The following ZNF621 variants were observed in gnomAD, a reference collection of about 807,000 sequenced individuals.
ZNF621 encodes zinc finger protein 621.
Under a neutral mutation model 12.7 loss-of-function variants are expected in ZNF621, and 6 were observed. The ratio of observed to expected loss-of-function variants is 0.47; its 90% CI spans 0.26 to 0.93. ZNF621 has a LOEUF of 0.93. Among genes scored for constraint, ZNF621 ranks in the 40% least tolerant of loss-of-function variants. The pLI, the probability that ZNF621 is intolerant of heterozygous loss-of-function variation, is 0.15. For missense variants in ZNF621, 474 were observed against 524.0 expected, an observed-to-expected ratio of 0.90 and a Z score of 0.93; for synonymous variants, 156 against 190.3, an observed-to-expected ratio of 0.82 and a Z score of 1.48.
At position 40,532,767 on chromosome 3, in the gene ZNF621, A is replaced by G; in HGVS notation, c.997A>G (p.Ser333Gly). ...TGGGAAAGCCTTCAAATGGTATGGA[A>G]GTTTTGTTCAGCATCAGAAATTGCA... ...VCGKAFKWYG[S>G]FVQHQKLHPV... Residue 333 changes from serine to glycine, a missense_variant, in exon 5 of 5, where the codon AGT becomes GGT. Transcript: ENST00000339296. The G allele has an allele frequency of 6.2e-7, 1 of 1,614,166 alleles. No individual in the cohort carries two copies. The highest frequency in any genetic ancestry group is 8.5e-7 in the Non-Finnish European group (1 of 1,180,022).
At chr3:40,530,438 ACT>A in intron 4 of ZNF621, 122 bp downstream of exon 4, 4 of 764,212 alleles carry the variant, frequency 5.2e-6, no homozygotes, top group South Asian at 1.9e-5. Flanking sequence ...TACTCACTGT[ACT>A]CTCTGACCTC....
In ZNF621 at chr3:40,529,179, TG is replaced by T. The variant is rs1232155226; in HGVS notation, c.25-137del. The T allele has an allele frequency of 1.1e-5, 11 of 963,910 alleles. No individual in the cohort carries two copies. In the Admixed American group the frequency reaches 1.4e-4, roughly 12 times the overall value. The allele number at this position is 963,910 out of a possible 1,614,324, so 59.7% of individuals were successfully genotyped here. A position where few individuals can be genotyped will look rare whatever the true frequency, so the allele number is the denominator to read the frequency against. On this transcript the variant is annotated intron_variant, in intron 2 of 4. Coordinates refer to ENST00000339296, the MANE Select transcript of ZNF621 (RefSeq NM_198484.5). ...GAGGGCTCGCCCCTGGCTGTGGTGG[TG>T]GGTGTTCTTGTTGAGCAGACCTTAC...
Position 40,532,641 on chromosome 3 carries a change from T to A in ZNF621, c.871T>A (p.Tyr291Asn). 2 of 1,614,174 alleles carry A rather than the reference T, an allele frequency of 1.2e-6. No homozygotes were observed. The highest frequency in any genetic ancestry group is 1.7e-6 in the Non-Finnish European group (2 of 1,180,028). The part of the protein sequence containing the change: ...HQRIHTGEKP[Y>N]QCKECGKAFT... ...GAGAATTCATACTGGGGAGAAACCT[T>A]ATCAATGTAAGGAGTGTGGCAAAGC... is the stretch of plus-strand genomic sequence containing the variant. The change falls in exon 5 of 5, where the codon TAT (tyrosine) becomes AAT (asparagine). Residue 291 changes from tyrosine (Y) to asparagine (N), a missense_variant. Physicochemically the swap from Tyr to Asn is moderately radical, Grantham distance 143. Coordinates refer to ENST00000339296, the MANE Select transcript of ZNF621 (RefSeq NM_198484.5).
rs1182547022 is a variant in ZNF621, at chr3:40,534,069, A to G, written c.*979A>G. ...TAAGTAAATATACACAAAGGCATTC[A>G]TCTTTGTTGAATCTGTTGTGCAGAT... On this transcript the variant is annotated 3_prime_UTR_variant, in exon 5 of 5. Coordinates refer to ENST00000339296, the MANE Select transcript of ZNF621 (RefSeq NM_198484.5). 1 of 152,086 alleles carries G rather than the reference A, an allele frequency of 6.6e-6. No homozygotes were observed. The highest frequency in any genetic ancestry group is 2.4e-5 in the African/African-American group (1 of 41,264). 9.4% of individuals were successfully genotyped at this position (152,086 alleles called of 1,614,324 possible). A position where few individuals can be genotyped will look rare whatever the true frequency, so the allele number is the denominator to read the frequency against.
chr3:40,531,337 G>A (rs1020898958), intron 4 of ZNF621, among the ~76,000 whole-genome samples: 1 of 151,956 alleles, frequency 6.6e-6, no homozygotes, highest in African/African-American at 2.4e-5. Context: ...CTCCTCTTCT[G>A]GGTTTCTGTC....
At chr3:40,524,135 C>T (rs186536213), upstream of ZNF621, among the ~76,000 whole-genome samples, 27 of 152,268 alleles carry the variant, frequency 1.8e-4, 1 homozygote, top group African/African-American at 6.3e-4. Context: ...CTCCCCTCTT[C>T]ACTGTTTTTT....
At chr3:40,531,634 C>T (rs530439724) in intron 4 of ZNF621, among the ~76,000 whole-genome samples, 39 of 152,316 alleles carry the variant, frequency 2.6e-4, no homozygotes, top group African/African-American at 8.2e-4. Context: ...ATGATCTCCA[C>T]TCACTGCAAC....
chr3:40,524,887 G>A (rs1344059279), upstream of ZNF621: 3 of 152,450 alleles, frequency 2.0e-5, no homozygotes, highest in East Asian at 5.8e-4. Context: ...TGAAAGGCGG[G>A]GCGGGTCTGG....
At chr3:40,531,844 A>C (rs1698733042) in intron 4 of ZNF621, among the ~76,000 whole-genome samples, 186 bp from the exon 5 acceptor site, 1 of 152,216 alleles carries the variant, frequency 6.6e-6, no homozygotes, top group Admixed American at 6.5e-5. Flanking sequence ...CATTACAGGC[A>C]TGAGCCACCA....
rs1698596718 is a variant in ZNF621, at chr3:40,526,929, C to T, written c.24+1065C>T. Reference sequence around the variant, plus strand: ...TGAGTGCAATGGCGCTATCTCGGCTCACCGCAACCTCCACCTCCCAGGTTC... The same window carrying T: ...TGAGTGCAATGGCGCTATCTCGGCTTACCGCAACCTCCACCTCCCAGGTTC... On this transcript the variant is annotated intron_variant, in intron 2 of 4. Transcript: ENST00000339296. Among the ~76,000 whole-genome samples the T allele has an allele frequency of 2.6e-5, 4 of 152,312 alleles. No individual in the cohort carries two copies. The South Asian group carries it at 8.3e-4, about 32-fold the overall frequency.
Position 40,537,005 on chromosome 3 carries a change from C to T in ZNF621, c.*3915C>T, listed in dbSNP as rs571482104. On this transcript the variant is annotated 3_prime_UTR_variant, in exon 5 of 5. Transcript: ENST00000339296. ...TGTGTGTGTGTGTGTTCTGATTACT[C>T]CACTAACTGATGGTTCCCCATCTCT... is the stretch of plus-strand genomic sequence containing the variant. The T allele has an allele frequency of 6.6e-6, 1 of 152,284 alleles. No individual in the cohort carries two copies. Among genetic ancestry groups the T allele is most frequent in the Admixed American group, 6.5e-5 (1 of 15,294 alleles). 9.4% of individuals were successfully genotyped at this position (152,284 alleles called of 1,614,324 possible).
rs770385624 is a variant in ZNF621, at chr3:40,532,091, A to T, written c.321A>T (p.Thr107=). The stretch of plus-strand genomic sequence containing the variant: ...TAAAGCAGGAAGCCTCTGAAGAAAC[A>T]GAGTTGCACAGAATGCCAGTAGGAG... ...LVIKQEASEE[T]ELHRMPVGGL... The change falls in exon 5 of 5, where the codon ACA becomes ACT. Residue 107 remains threonine (T), a synonymous_variant. Transcript: ENST00000339296. The T allele has an allele frequency of 6.2e-7, 1 of 1,614,130 alleles. No homozygotes were observed. Among genetic ancestry groups the T allele is most frequent in the Non-Finnish European group, 8.5e-7 (1 of 1,180,014 alleles).
Position 40,538,545 on chromosome 3 carries a change from T to C in ZNF621, c.*5455T>C, listed in dbSNP as rs1486370101. ...AAAATTTAGTTCCAAATATTACTGCTCGTTGATAATGTGTCTGGTCACCCA... is the reference window on the plus strand; with the variant it reads ...AAAATTTAGTTCCAAATATTACTGCCCGTTGATAATGTGTCTGGTCACCCA... On this transcript the variant is annotated 3_prime_UTR_variant, in exon 5 of 5. Coordinates refer to ENST00000339296, the MANE Select transcript of ZNF621 (RefSeq NM_198484.5). 6.4e-6 allele frequency: 1 copy of C among 157,166 alleles called. No individual in the cohort carries two copies. Among genetic ancestry groups the C allele is most frequent in the African/African-American group, 2.4e-5 (1 of 41,424 alleles). The allele number at this position is 157,166 out of a possible 1,614,324, so 9.7% of individuals were successfully genotyped here. A position where few individuals can be genotyped will look rare whatever the true frequency, so the allele number is the denominator to read the frequency against.
chr3:40,528,464 A>G (rs1293183908), intron 2 of ZNF621, among the ~76,000 whole-genome samples: 1 of 152,212 alleles, frequency 6.6e-6, no homozygotes, highest in Non-Finnish European at 1.5e-5. Context: ...GTCCATGTAC[A>G]GGTTTTTATG....
rs1470997713 is a variant in ZNF621, at chr3:40,527,264, GCCTCAGCCTC to G, written c.24+1403_24+1412del. The stretch of plus-strand genomic sequence containing the variant: ...ACTCCCGACCTCAGGTGATCCGCCT[GCCTCAGCCTC>G]CCAAAGTGTTGGGATTACAGGCGTG... On this transcript the variant is annotated intron_variant, in intron 2 of 4. Coordinates refer to ENST00000339296, the MANE Select transcript of ZNF621 (RefSeq NM_198484.5). 2.6e-5 allele frequency among the ~76,000 whole-genome samples: 4 copies of G among 152,098 alleles called. 1 individual carries two copies. Among genetic ancestry groups the G allele is most frequent in the African/African-American group, 9.7e-5 (4 of 41,396 alleles).
intron 4 of ZNF621, among the ~76,000 whole-genome samples, chr3:40,531,715 A>G (rs1235084537): frequency 1.3e-5 from 2 of 152,054 alleles, no homozygotes; most frequent in African/African-American, 4.8e-5. Flanking sequence ...GGGGTGCGCC[A>G]CCATGCCCGG....
chr3:40,532,827 C>G lies in ZNF621; in HGVS notation c.1057C>G (p.Pro353Ala). 6.2e-7 allele frequency: 1 copy of G among 1,614,154 alleles called. No homozygotes were observed. Among genetic ancestry groups the G allele is most frequent in the Non-Finnish European group, 8.5e-7 (1 of 1,180,014 alleles). The change falls in exon 5 of 5, where the codon CCA becomes GCA. Residue 353 changes from proline to alanine, a missense_variant. Pro to Ala is a conservative substitution (Grantham distance 27, BLOSUM62 -1). Coordinates refer to ENST00000339296, the MANE Select transcript of ZNF621 (RefSeq NM_198484.5). ...VEKKPVKVLG[P>A]SLVSPQCSSP... ...GAAGAAGCCAGTCAAGGTCCTTGGG[C>G]CATCCCTGGTCAGTCCCCAGTGCTC...
At position 40,539,727 on chromosome 3, in the gene ZNF621, A is replaced by T. The variant is rs540579948; in HGVS notation, c.*6637A>T. ...CATAACTTGTCTTAATCTAAAAATC[A>T]TATCATTTAAAAAGCCTGATGATTT... On this transcript the variant is annotated 3_prime_UTR_variant, in exon 5 of 5. Coordinates refer to ENST00000339296, the MANE Select transcript of ZNF621 (RefSeq NM_198484.5). 3.9e-5 allele frequency: 6 copies of T among 152,354 alleles called. No individual in the cohort carries two copies. The highest frequency in any genetic ancestry group is 1.2e-4 in the African/African-American group (5 of 41,588). 9.4% of individuals were successfully genotyped at this position (152,354 alleles called of 1,614,324 possible).
At chr3:40,530,835 T>G (rs1698708560) in intron 4 of ZNF621, among the ~76,000 whole-genome samples, 1 of 152,134 alleles carries the variant, frequency 6.6e-6, no homozygotes, top group African/African-American at 2.4e-5. Context: ...GATGGGACTG[T>G]AGAGGAAAGG....
Sources: gnomAD v4.1 joint callset for allele counts (sites outside exome capture counted in the v4.1 genomes callset) on GRCh38, gnomAD v4.1.1 for gene constraint, MANE v1.5 for transcripts, NCBI Gene and HGNC (gene_info 2026-07-23, HGNC 2026-07-21) for gene names.